Variants in ATP8A2 observed in about 807,000 individuals in gnomAD.
ATP8A2 encodes phospholipid-transporting ATPase IB.
A neutral mutation model predicts 165.6 loss-of-function variants in ATP8A2; 100 were observed. The ratio of observed to expected loss-of-function variants is 0.60; its 90% confidence interval spans 0.51 to 0.71. The LOEUF (loss-of-function observed/expected upper bound fraction) is 0.71. Ranked by LOEUF, ATP8A2 falls within the 30% of genes least tolerant of loss-of-function variation. The pLI is 0.00. For missense variants in ATP8A2, 1,227 were observed against 1,479.5 expected, an observed-to-expected ratio of 0.83 and a Z score of 2.80; for synonymous variants, 543 against 548.8, an observed-to-expected ratio of 0.99 and a Z score of 0.15.
chr13:25,454,671 C>T (rs2035316369), intron 1 of ATP8A2, among the ~76,000 whole-genome samples: 2 of 152,166 alleles, frequency 1.3e-5, no homozygotes, highest in African/African-American at 4.8e-5. Context: ...CGCCTGTAAT[C>T]CCAGCACTTT....
intron 29 of ATP8A2, among the ~76,000 whole-genome samples, chr13:25,837,984 G>A (rs1229195782): frequency 2.0e-5 from 3 of 152,234 alleles, no homozygotes; most frequent in Admixed American, 2.0e-4. Context: ...GTGCTTGGGT[G>A]ACCCCATCCA....
intron 1 of ATP8A2, among the ~76,000 whole-genome samples, chr13:25,457,254 T>C (rs916277108): frequency 6.6e-6 from 1 of 152,232 alleles, no homozygotes; most frequent in Non-Finnish European, 1.5e-5. Flanking sequence ...TATACTTTTA[T>C]TTTTAACAAC....
At chr13:25,652,998 C>G (rs537051915) in intron 24 of ATP8A2, among the ~76,000 whole-genome samples, 2 of 152,226 alleles carry the variant, frequency 1.3e-5, no homozygotes, top group Non-Finnish European at 2.9e-5. Context: ...CTGTGTACTT[C>G]ATCACAATCT....
chr13:25,606,060 C>T lies in ATP8A2; in HGVS notation c.2211+16361C>T, dbSNP rs547258085. 1.6e-4 allele frequency among the ~76,000 whole-genome samples: 24 copies of T among 152,122 alleles called. No individual in the cohort carries two copies. In the East Asian group the frequency reaches 3.5e-3, roughly 22 times the overall value. On this transcript the variant is annotated intron_variant, in intron 24 of 36. Coordinates refer to ENST00000381655, the MANE Select transcript of ATP8A2 (RefSeq NM_016529.6). ...GAAAAGAGCTTACCACAGTTCTGCA[C>T]GGGTAATATAAATGTTGGAAATGTG...
intron 27 of ATP8A2, among the ~76,000 whole-genome samples, chr13:25,811,427 C>T (rs1251043117): frequency 6.6e-6 from 1 of 151,930 alleles, no homozygotes; most frequent in South Asian, 2.1e-4. Flanking sequence ...AAGCTGGAGG[C>T]GTAGTATACG....
At chr13:25,448,508 G>A (rs948509393) in intron 1 of ATP8A2, among the ~76,000 whole-genome samples, 2 of 152,096 alleles carry the variant, frequency 1.3e-5, no homozygotes, top group Non-Finnish European at 2.9e-5. Context: ...TAAAAGTGGG[G>A]GAAATGGTGT....
chr13:25,710,959 C>A (rs548948451), intron 25 of ATP8A2, among the ~76,000 whole-genome samples: 2 of 152,062 alleles, frequency 1.3e-5, no homozygotes, highest in African/African-American at 4.8e-5. Flanking sequence ...TATAGGTTAG[C>A]GAACTGAGGC....
intron 6 of ATP8A2, among the ~76,000 whole-genome samples, chr13:25,537,122 C>T (rs1227940941): frequency 6.6e-6 from 1 of 152,218 alleles, no homozygotes; most frequent in African/African-American, 2.4e-5. Flanking sequence ...TTGGAGACTA[C>T]AGCCCTTTTC....
intron 15 of ATP8A2, among the ~76,000 whole-genome samples, chr13:25,563,340 C>T (rs867837090): frequency 2.8e-4 from 41 of 148,940 alleles, no homozygotes; most frequent in Middle Eastern, 3.4e-3. Context: ...ACATGCCAGG[C>T]GGAGGTTGCA....
At chr13:26,007,371 T>C (rs183456794) in intron 35 of ATP8A2, among the ~76,000 whole-genome samples, 38 of 152,276 alleles carry the variant, frequency 2.5e-4, no homozygotes, top group African/African-American at 9.1e-4. Context: ...ACACCTCCAG[T>C]AGAGTGTTTT....
intron 1 of ATP8A2, among the ~76,000 whole-genome samples, chr13:25,465,677 TTC>T (rs1293400710): frequency 0.081 from 664 of 8,192 alleles, 12 homozygotes; most frequent in African/African-American, 0.13. Context: ...CTTTCTTTCT[TTC>T]TTTCTTTCTT....
At chr13:25,616,456 C>T (rs1344447716) in intron 24 of ATP8A2, among the ~76,000 whole-genome samples, 2 of 151,522 alleles carry the variant, frequency 1.3e-5, no homozygotes, top group South Asian at 2.1e-4. Context: ...CTCAGCCTCC[C>T]AAGTAACTGG....
intron 33 of ATP8A2, among the ~76,000 whole-genome samples, chr13:25,900,320 G>C (rs982408218): frequency 6.6e-6 from 1 of 152,188 alleles, no homozygotes; most frequent in Admixed American, 6.5e-5. Context: ...CTGAGGTGGA[G>C]TTTTCAGCCC....
chr13:25,746,646 G>A (rs1013074570), intron 25 of ATP8A2, among the ~76,000 whole-genome samples: 1 of 152,158 alleles, frequency 6.6e-6, no homozygotes, highest in Non-Finnish European at 1.5e-5. Context: ...ACACTGAAAG[G>A]AAACTGGACC....
intron 2 of ATP8A2, among the ~76,000 whole-genome samples, chr13:25,469,517 G>A (rs1016406201): frequency 3.3e-5 from 5 of 152,190 alleles, no homozygotes; most frequent in Non-Finnish European, 7.4e-5. Context: ...TGGGGGACGT[G>A]CTTCATAAGG....
rs572754592 is a variant in ATP8A2, at chr13:25,749,190, C to T, written c.2385-19856C>T. On this transcript the variant is annotated intron_variant, in intron 25 of 36. Coordinates refer to ENST00000381655, the MANE Select transcript of ATP8A2 (RefSeq NM_016529.6). ...CCAGGCATTTGGGAGGCACTGCAGA[C>T]GCTGAAGAGAACAGACCTTTGCCTT... Among the ~76,000 whole-genome samples the T allele has an allele frequency of 9.2e-5, 14 of 152,274 alleles. No homozygotes were observed. The South Asian group carries it at 2.9e-3, about 32-fold the overall frequency.
chr13:25,916,583 T>C (rs1456244040), intron 33 of ATP8A2, among the ~76,000 whole-genome samples: 1 of 152,226 alleles, frequency 6.6e-6, no homozygotes, highest in East Asian at 1.9e-4. Flanking sequence ...GGCTGTGCCA[T>C]GGGATCCAAT....
chr13:25,594,428 A>C (rs1025304807), intron 24 of ATP8A2, among the ~76,000 whole-genome samples: 2 of 152,112 alleles, frequency 1.3e-5, no homozygotes, highest in African/African-American at 4.8e-5. Context: ...GTATTTAAAA[A>C]ATTTTTTATT....
At chr13:25,584,767 C>T (rs1333778501) in intron 23 of ATP8A2, among the ~76,000 whole-genome samples, 5 of 152,248 alleles carry the variant, frequency 3.3e-5, no homozygotes, top group African/African-American at 4.8e-5. Flanking sequence ...TAGAAGACCA[C>T]GGAGAATGGT....
Sources: gnomAD v4.1 joint callset for allele counts (sites outside exome capture counted in the v4.1 genomes callset) on GRCh38, gnomAD v4.1.1 for gene constraint, MANE v1.5 for transcripts, NCBI Gene and HGNC (gene_info 2026-07-23, HGNC 2026-07-21) for gene names.